LRP1B: variants seen among roughly 807,000 people sequenced by gnomAD.
LRP1B encodes low-density lipoprotein receptor-related protein 1B.
In LRP1B, 217 loss-of-function variants were observed where a neutral mutation model predicts 556.6. The observed-to-expected ratio is 0.39, with a 90% confidence interval of 0.35 to 0.44. The LOEUF (loss-of-function observed/expected upper bound fraction) is 0.44, where lower values mean the gene tolerates loss of function less well. Among genes scored for constraint, LRP1B ranks in the 20% least tolerant of loss-of-function variants. LRP1B has a pLI of 1.00. For synonymous variants in LRP1B, 2,047 were observed against 1,865.8 expected (o/e 1.10, Z -2.50); for missense variants, 5,053 against 5,620.8 (o/e 0.90, Z 3.23).
intron 6 of LRP1B, among the ~76,000 whole-genome samples, chr2:141,209,265 T>C (rs995103454): frequency 1.3e-5 from 2 of 152,140 alleles, no homozygotes; most frequent in African/African-American, 2.4e-5. Flanking sequence ...TTTATCCTCA[T>C]GCTGTTCTCA....
intron 1 of LRP1B, among the ~76,000 whole-genome samples, chr2:141,988,567 C>T (rs1190780965): frequency 6.6e-6 from 1 of 151,844 alleles, no homozygotes; most frequent in African/African-American, 2.4e-5. Context: ...GGGTTATGTT[C>T]CCATTTTGCC....
Position 140,968,054 on chromosome 2 carries a change from T to A in LRP1B, c.2887+14106A>T, listed in dbSNP as rs1336593847. On this transcript the variant is annotated intron_variant, in intron 18 of 90. Coordinates refer to ENST00000389484, the MANE Select transcript of LRP1B (RefSeq NM_018557.3). ...ATGATGCTGGCCTCATAAAATGAGT[T>A]AGGGAGGATTCCCTCTTTTTCTATT... 5.2e-5 allele frequency among the ~76,000 whole-genome samples: 7 copies of A among 134,078 alleles called. 1 individual carries two copies. Among genetic ancestry groups the A allele is most frequent in the South Asian group, 5.4e-4 (2 of 3,710 alleles). The allele number at this position is 134,078 out of a possible 152,430, so 88.0% of individuals were successfully genotyped here. A position where few individuals can be genotyped will look rare whatever the true frequency, so the allele number is the denominator to read the frequency against.
intron 7 of LRP1B, among the ~76,000 whole-genome samples, chr2:141,128,610 C>G (rs1701273720): frequency 6.6e-6 from 1 of 152,122 alleles, no homozygotes; most frequent in East Asian, 1.9e-4. Flanking sequence ...ACTACCTTAA[C>G]ATAATGAAGT....
chr2:140,319,821 C>T (rs763631898), intron 82 of LRP1B, among the ~76,000 whole-genome samples: 14 of 152,112 alleles, frequency 9.2e-5, no homozygotes, highest in Non-Finnish European at 1.8e-4. Flanking sequence ...GCTACTCTGA[C>T]TGGGAGAATG....
intron 6 of LRP1B, among the ~76,000 whole-genome samples, chr2:141,198,571 G>A (rs1250486821): frequency 1.3e-5 from 2 of 152,064 alleles, no homozygotes; most frequent in Admixed American, 1.3e-4. Context: ...TCTGTGCGGG[G>A]TCTTGGATAT....
At chr2:140,716,472 C>T (rs527481756) in intron 36 of LRP1B, among the ~76,000 whole-genome samples, 2 of 152,126 alleles carry the variant, frequency 1.3e-5, no homozygotes, top group African/African-American at 4.8e-5. Context: ...AAAGTTAACA[C>T]TACATAATCT....
intron 73 of LRP1B, 69 bp from the exon 74 acceptor site, chr2:140,358,185 C>T (rs1422608988): frequency 7.0e-7 from 1 of 1,432,290 alleles, no homozygotes; most frequent in Non-Finnish European, 9.5e-7. Context: ...CATGTAATAG[C>T]TCCAAAATTT....
At position 141,027,620 on chromosome 2, in the gene LRP1B, C is replaced by T. The variant is rs558705653; in HGVS notation, c.1790-7518G>A. On this transcript the variant is annotated intron_variant, in intron 11 of 90. Transcript: ENST00000389484. ...ATAAAGTCTTTGATTAACAATATTG[C>T]ATCAACATTAATTTTTCTAGTTTTG... Among the ~76,000 whole-genome samples, 123 of 152,222 alleles carry T rather than the reference C, an allele frequency of 8.1e-4. 1 individual carries two copies. The highest frequency in any genetic ancestry group is 2.8e-3 in the African/African-American group (115 of 41,554).
chr2:140,806,585 A>C (rs1212503445), intron 32 of LRP1B, among the ~76,000 whole-genome samples: 1 of 152,142 alleles, frequency 6.6e-6, no homozygotes, highest in Non-Finnish European at 1.5e-5. Flanking sequence ...GACCTTGACA[A>C]ATTACTACAT....
chr2:141,192,761 G>A (rs1681574901), intron 6 of LRP1B, among the ~76,000 whole-genome samples: 1 of 151,038 alleles, frequency 6.6e-6, no homozygotes, highest in Non-Finnish European at 1.5e-5. Context: ...CTGAAATATC[G>A]ATAACTCTAA....
intron 2 of LRP1B, among the ~76,000 whole-genome samples, chr2:141,711,053 A>G (rs1235804415): frequency 6.6e-6 from 1 of 152,140 alleles, no homozygotes; most frequent in African/African-American, 2.4e-5. Flanking sequence ...TCTAGAAATT[A>G]TTCTCCCCCT....
intron 29 of LRP1B, among the ~76,000 whole-genome samples, chr2:140,847,847 A>G (rs1262414116): frequency 1.3e-5 from 2 of 152,072 alleles, no homozygotes; most frequent in Non-Finnish European, 2.9e-5. Context: ...CCTAATGAGT[A>G]TATGTATTAA....
Position 141,106,479 on chromosome 2 carries a change from G to A in LRP1B, c.1014-44206C>T, listed in dbSNP as rs576943535. ...AATTTCAGCAGAGTGAAGATCACCTGGTGACCATCAAGCAGGCCATCCAGA... is the reference window on the plus strand; with the variant it reads ...AATTTCAGCAGAGTGAAGATCACCTAGTGACCATCAAGCAGGCCATCCAGA... On this transcript the variant is annotated intron_variant, in intron 7 of 90. Transcript: ENST00000389484. Among the ~76,000 whole-genome samples, 118 of 152,148 alleles carry A rather than the reference G, an allele frequency of 7.8e-4. 2 individuals carry two copies. Among genetic ancestry groups the A allele is most frequent in the African/African-American group, 2.6e-3 (107 of 41,524 alleles).
chr2:140,585,757 C>T (rs1269118412), intron 43 of LRP1B, among the ~76,000 whole-genome samples: 1 of 151,854 alleles, frequency 6.6e-6, no homozygotes, highest in Non-Finnish European at 1.5e-5. Flanking sequence ...TTATTATATA[C>T]TCTGTGATCA....
intron 2 of LRP1B, among the ~76,000 whole-genome samples, chr2:141,663,210 C>T (rs1291372039): frequency 2.6e-5 from 4 of 152,052 alleles, no homozygotes; most frequent in African/African-American, 9.7e-5. Context: ...AAATTTATGG[C>T]ATTAATGCCC....
At chr2:141,768,881 G>A (rs1243696920) in intron 2 of LRP1B, among the ~76,000 whole-genome samples, 1 of 151,912 alleles carries the variant, frequency 6.6e-6, no homozygotes, top group Admixed American at 6.6e-5. Context: ...ATATGTGTGT[G>A]TGTGTGTGCA....
At chr2:141,740,918 A>G (rs1312102456) in intron 2 of LRP1B, among the ~76,000 whole-genome samples, 6 of 151,858 alleles carry the variant, frequency 4.0e-5, no homozygotes, top group Non-Finnish European at 8.8e-5. Context: ...CCCCCAACCC[A>G]CTACTCTCTC....
chr2:141,764,352 TG>T (rs1694665689), intron 2 of LRP1B, among the ~76,000 whole-genome samples: 1 of 152,134 alleles, frequency 6.6e-6, no homozygotes, highest in Non-Finnish European at 1.5e-5. Context: ...AGCTAATTTT[TG>T]TATTTTGTTT....
At chr2:140,604,823 C>G (rs537425815) in intron 41 of LRP1B, among the ~76,000 whole-genome samples, 1 of 151,790 alleles carries the variant, frequency 6.6e-6, no homozygotes, top group Admixed American at 6.6e-5. Context: ...CCATGCTGTT[C>G]CCGTGATAGT....
Sources: allele counts gnomAD v4.1 joint callset (sites outside exome capture counted in the v4.1 genomes callset), GRCh38; gene constraint gnomAD v4.1.1; transcripts MANE v1.5; gene names NCBI Gene and HGNC (gene_info 2026-07-23, HGNC 2026-07-21).